Variants in MYO16 observed in about 807,000 individuals in gnomAD.
The protein encoded by MYO16 is myosin XVI, also known as unconventional myosin-XVI.
A neutral mutation model predicts 205.3 loss-of-function variants in MYO16; 94 were observed. The observed-to-expected ratio is 0.46, with a 90% CI of 0.39 to 0.54. The LOEUF is 0.54. Among genes scored for constraint, MYO16 ranks in the 20% least tolerant of loss-of-function variants. MYO16 has a pLI of 0.00. For synonymous variants in MYO16, 988 were observed against 954.0 expected (o/e 1.04, Z -0.66); for missense variants, 2,315 against 2,387.5 (o/e 0.97, Z 0.63).
chr13:108,987,660 A>G (rs1426872131), intron 20 of MYO16, among the ~76,000 whole-genome samples: 3 of 152,186 alleles, frequency 2.0e-5, no homozygotes, highest in Admixed American at 2.0e-4. Flanking sequence ...ATGTGTTTAT[A>G]TTTAATTCTT....
the MYO16 span, among the ~76,000 whole-genome samples, chr13:108,510,475 T>A: frequency 2.3e-5 from 3 of 132,422 alleles, 1 homozygote; most frequent in African/African-American, 8.7e-5. Flanking sequence ...TTTTTTTTTT[T>A]TTTTTTTTTT....
chr13:108,656,489 G>A (rs759874958), intron 1 of MYO16, among the ~76,000 whole-genome samples: 1 of 152,064 alleles, frequency 6.6e-6, no homozygotes. Context: ...ATGGGTAAAG[G>A]GCATTGGGCA....
At chr13:108,779,397 A>C (rs961890194) in intron 4 of MYO16, 3 of 152,262 alleles carry the variant, frequency 2.0e-5, no homozygotes, top group African/African-American at 7.2e-5. Context: ...TGAAGAATGC[A>C]GGAATAGCAG....
At chr13:109,197,790 C>G (rs904155667) in intron 34 of MYO16, among the ~76,000 whole-genome samples, 2 of 152,084 alleles carry the variant, frequency 1.3e-5, no homozygotes, top group Non-Finnish European at 1.5e-5. Flanking sequence ...AGCTATAAAA[C>G]CAAGGCAAAT....
chr13:108,911,787 G>T (rs752609706), intron 16 of MYO16, among the ~76,000 whole-genome samples: 2 of 152,174 alleles, frequency 1.3e-5, no homozygotes, highest in African/African-American at 4.8e-5. Flanking sequence ...AGCACTCATG[G>T]TAATGGTGGT....
chr13:109,033,792 G>A (rs973166542), intron 23 of MYO16, among the ~76,000 whole-genome samples: 3 of 152,148 alleles, frequency 2.0e-5, no homozygotes, highest in Admixed American at 6.5e-5. Context: ...GGCAGGAGGT[G>A]GAAGCCACAT....
the MYO16 span, among the ~76,000 whole-genome samples, chr13:108,566,796 C>T: frequency 6.7e-6 from 1 of 149,130 alleles, no homozygotes; most frequent in South Asian, 2.1e-4. Flanking sequence ...GAAAGAGGTA[C>T]TTAATTGAGT....
intron 4 of MYO16, among the ~76,000 whole-genome samples, chr13:108,750,538 G>A (rs1885198884): frequency 6.6e-6 from 1 of 151,532 alleles, no homozygotes; most frequent in Non-Finnish European, 1.5e-5. Flanking sequence ...GGAGGCCGAG[G>A]TGGGCTGATC....
At chr13:108,964,170 G>T (rs1883698990) in intron 19 of MYO16, among the ~76,000 whole-genome samples, 2 of 152,132 alleles carry the variant, frequency 1.3e-5, no homozygotes, top group African/African-American at 2.4e-5. Context: ...AACAGTGATG[G>T]GATAGGCTCA....
intron 1 of MYO16, among the ~76,000 whole-genome samples, chr13:108,598,425 AT>A (rs1441852337): frequency 6.6e-6 from 1 of 152,230 alleles, no homozygotes; most frequent in Admixed American, 6.5e-5. Flanking sequence ...TTATTTCCAT[AT>A]TTTTAAGAAT....
chr13:108,904,056 G>A (rs1880843673), intron 15 of MYO16, among the ~76,000 whole-genome samples: 1 of 152,046 alleles, frequency 6.6e-6, no homozygotes, highest in Non-Finnish European at 1.5e-5. Flanking sequence ...GTTACTATTA[G>A]TTACACTTTT....
At chr13:108,577,789 A>ATTTAGTAACAGTT in the MYO16 span, among the ~76,000 whole-genome samples, 5 of 152,206 alleles carry the variant, frequency 3.3e-5, no homozygotes, top group African/African-American at 1.2e-4. Context: ...TTGACAAGGT[A>ATTTAGTAACAGTT]TTTTAAATGA....
chr13:109,011,595 G>A lies in MYO16; in HGVS notation c.2595+2546G>A, dbSNP rs368807987. On this transcript the variant is annotated intron_variant, in intron 22 of 34. Coordinates refer to ENST00000457511, the MANE Select transcript of MYO16 (RefSeq NM_001198950.3). ...AGTGGCGCGATCTCGGCTCACTGCA[G>A]CCTCTGCCTCCTGGGTTCAAGCGAT... Among the ~76,000 whole-genome samples the A allele has an allele frequency of 4.2e-3, 626 of 148,954 alleles. 9 individuals carry two copies. The highest frequency in any genetic ancestry group is 0.035 in the South Asian group (165 of 4,732).
intron 21 of MYO16, among the ~76,000 whole-genome samples, chr13:109,003,244 C>G (rs1885275567): frequency 6.6e-6 from 1 of 152,172 alleles, no homozygotes; most frequent in African/African-American, 2.4e-5. Context: ...AATTGGAAAT[C>G]AGTCCACAGG....
chr13:108,934,727 T>G (rs746452576), intron 16 of MYO16, among the ~76,000 whole-genome samples: 3 of 152,174 alleles, frequency 2.0e-5, no homozygotes, highest in Non-Finnish European at 2.9e-5. Flanking sequence ...TTCTTATTGC[T>G]GCAGGTATTA....
intron 9 of MYO16, among the ~76,000 whole-genome samples, chr13:108,825,803 A>C (rs1876229981): frequency 6.6e-6 from 1 of 151,302 alleles, no homozygotes; most frequent in Non-Finnish European, 1.5e-5. Flanking sequence ...CATAATTCAA[A>C]AATGAGATTG....
chr13:109,128,794 G>C (rs545910018), intron 31 of MYO16, among the ~76,000 whole-genome samples: 2 of 129,410 alleles, frequency 1.5e-5, no homozygotes, highest in Admixed American at 1.6e-4. Context: ...TTTTTGAGAC[G>C]GACTTTCACT....
chr13:109,177,329 C>A (rs1418083094), intron 33 of MYO16, among the ~76,000 whole-genome samples: 1 of 152,160 alleles, frequency 6.6e-6, no homozygotes, highest in East Asian at 1.9e-4. Flanking sequence ...GACTTTTCTT[C>A]GTTCTTCCTT....
intron 34 of MYO16, among the ~76,000 whole-genome samples, chr13:109,189,094 A>T (rs573620511): frequency 6.6e-6 from 1 of 151,546 alleles, no homozygotes; most frequent in South Asian, 2.1e-4. Context: ...AATTCTGTCT[A>T]AAAAAAATGA....
Sources: allele counts gnomAD v4.1 joint callset (sites outside exome capture counted in the v4.1 genomes callset), GRCh38; gene constraint gnomAD v4.1.1; transcripts MANE v1.5; gene names NCBI Gene and HGNC (gene_info 2026-07-23, HGNC 2026-07-21).